Variants in ITPA observed in about 807,000 individuals in gnomAD.
ITPA encodes inosine triphosphatase.
Under a neutral mutation model 29.6 loss-of-function variants are expected in ITPA, and 29 were observed. The ratio of observed to expected loss-of-function variants is 0.98; its 90% CI spans 0.73 to 1.34. ITPA has a LOEUF of 1.34. Among genes scored for constraint, ITPA ranks in the 40% most tolerant of loss-of-function variants. The pLI, the probability that ITPA is intolerant of heterozygous loss-of-function variation, is 0.00. For synonymous variants in ITPA, 103 were observed against 99.3 expected, an observed-to-expected ratio of 1.04 and a Z score of -0.22; for missense variants, 241 against 251.5, an observed-to-expected ratio of 0.96 and a Z score of 0.28.
chr20:3,208,944 C>T (rs1053193327), upstream of ITPA: 2 of 157,188 alleles, frequency 1.3e-5, no homozygotes, highest in Non-Finnish European at 2.8e-5. Context: ...ACGGTGGCCA[C>T]GGAGAAGGGG....
upstream of ITPA, chr20:3,204,701 A>C: frequency 7.0e-7 from 1 of 1,433,674 alleles, no homozygotes; most frequent in Non-Finnish European, 9.4e-7. Context: ...CCTATTTCCC[A>C]ATCTAGACTC....
chr20:3,209,468 T>A (rs1295844201), upstream of ITPA: 1 of 1,306,094 alleles, frequency 7.7e-7, no homozygotes, highest in African/African-American at 1.5e-5. This position sits in a 1 kb window ranked among gnomAD's most constrained non-coding sequence, Gnocchi z 4.6. Context: ...AACTGAGCCG[T>A]TCACTTCCGC....
At chr20:3,222,663 C>T (rs1055891043) in intron 7 of ITPA, among the ~76,000 whole-genome samples, 3 of 152,144 alleles carry the variant, frequency 2.0e-5, no homozygotes, top group South Asian at 2.1e-4. Context: ...ACACAAGGCA[C>T]GGGCCATTGT....
At chr20:3,218,466 G>A in intron 5 of ITPA, 51 bp from the exon 6 acceptor site, 1 of 1,269,664 alleles carries the variant, frequency 7.9e-7, no homozygotes, top group Non-Finnish European at 1.2e-6. Context: ...TGGGAGTGGG[G>A]GTGGGAGTTG....
chr20:3,207,614 A>G (rs2067083480), upstream of ITPA, among the ~76,000 whole-genome samples: 1 of 151,930 alleles, frequency 6.6e-6, no homozygotes, highest in Non-Finnish European at 1.5e-5. Context: ...GAATCCCTTG[A>G]ACCCGGGAGT....
At chr20:3,213,717 C>T (rs1490212189) in intron 3 of ITPA, among the ~76,000 whole-genome samples, 1 of 152,208 alleles carries the variant, frequency 6.6e-6, no homozygotes, top group African/African-American at 2.4e-5. Flanking sequence ...AGAAAGCACG[C>T]TGCGGAGAGT....
chr20:3,222,133 T>TTA (rs2067480713), intron 7 of ITPA, among the ~76,000 whole-genome samples: 1 of 151,796 alleles, frequency 6.6e-6, no homozygotes, highest in African/African-American at 2.4e-5. Context: ...CTGAGAGTCC[T>TTA]GGGCTCTAAG....
In ITPA at chr20:3,213,228, T is replaced by C. The variant is rs1408254396; in HGVS notation, c.124+2T>C. The C allele has an allele frequency of 1.2e-6, 2 of 1,614,138 alleles. No individual in the cohort carries two copies. Among genetic ancestry groups the C allele is most frequent in the Admixed American group, 1.7e-5 (1 of 60,018 alleles). On this transcript the variant is annotated splice_donor_variant, in intron 2 of 7. Coordinates refer to ENST00000380113, the MANE Select transcript of ITPA (RefSeq NM_033453.4). LOFTEE classifies it high-confidence loss of function. ...CTTTGGTGGCACAGAAAATTGACCG[T>C]ATGTCTCTGTTTTGTTTTATTTTTA... is the stretch of plus-strand genomic sequence containing the variant.
chr20:3,205,506 AG>A (rs1409541879), upstream of ITPA, among the ~76,000 whole-genome samples: 5 of 152,110 alleles, frequency 3.3e-5, no homozygotes, highest in Non-Finnish European at 7.4e-5. Flanking sequence ...GTTCAAGACC[AG>A]CCTGGGCAAC....
chr20:3,223,619 G>C lies in ITPA; in HGVS notation c.*157G>C, dbSNP rs977428638. The C allele has an allele frequency of 3.0e-5, 20 of 661,406 alleles. No individual in the cohort carries two copies. In the African/African-American group the frequency reaches 3.6e-4, roughly 12 times the overall value. 41.0% of individuals were successfully genotyped at this position (661,406 alleles called of 1,614,324 possible). On this transcript the variant is annotated 3_prime_UTR_variant, in exon 8 of 8. Transcript: ENST00000380113. Reference sequence around the variant, plus strand: ...CACCGGCCTGTCTGGAGGAGCAGCTGGCTCTGCTCTGAGAAACTCTGGCAA... The same window carrying C: ...CACCGGCCTGTCTGGAGGAGCAGCTCGCTCTGCTCTGAGAAACTCTGGCAA...
At chr20:3,206,121 G>A (rs557381242), upstream of ITPA, among the ~76,000 whole-genome samples, 1 of 151,892 alleles carries the variant, frequency 6.6e-6, no homozygotes, top group African/African-American at 2.4e-5. Context: ...GGGCGAGGTG[G>A]CTCACACCTG....
chr20:3,208,762 T>C (rs1159117437), upstream of ITPA: 2 of 152,672 alleles, frequency 1.3e-5, no homozygotes, highest in Non-Finnish European at 2.9e-5. Context: ...GAAGTGGCCA[T>C]TCAAGAGGTA....
chr20:3,225,690 A>G (rs1302663026), downstream of ITPA, among the ~76,000 whole-genome samples: 1 of 152,154 alleles, frequency 6.6e-6, no homozygotes, highest in East Asian at 1.9e-4. Context: ...GCTCTTATTC[A>G]TCACTGGGAA....
rs767081989 is a variant in ITPA at position 3,218,471 on chromosome 20, G to A, written c.296-46G>A. The A allele has an allele frequency of 1.9e-5, 25 of 1,318,632 alleles. 1 individual carries two copies. The South Asian group carries it at 2.9e-4, about 15-fold the overall frequency. The allele number at this position is 1,318,632 out of a possible 1,614,324, so 81.7% of individuals were successfully genotyped here. A position where few individuals can be genotyped will look rare whatever the true frequency, so the allele number is the denominator to read the frequency against. ...GTGGGCGTCTTGGGAGTGGGGGTGG[G>A]AGTTGGCCATTAGGGATGCACTGAG... On this transcript the variant is annotated intron_variant, in intron 5 of 7. Transcript: ENST00000380113.
intron 1 of ITPA, among the ~76,000 whole-genome samples, chr20:3,211,898 A>C (rs915726277): frequency 1.3e-5 from 2 of 152,212 alleles, no homozygotes; most frequent in Non-Finnish European, 2.9e-5. Flanking sequence ...ACATGGTATT[A>C]TAGGCTGGGC....
At chr20:3,217,138 T>C (rs576568337) in intron 5 of ITPA, among the ~76,000 whole-genome samples, 7 of 152,126 alleles carry the variant, frequency 4.6e-5, no homozygotes, top group Non-Finnish European at 1.0e-4. Context: ...ACCTCGGCCT[T>C]CCAAAATGCT....
At chr20:3,221,388 T>C (rs528165699) in intron 6 of ITPA, among the ~76,000 whole-genome samples, 2 of 152,300 alleles carry the variant, frequency 1.3e-5, no homozygotes, top group Admixed American at 1.3e-4. Flanking sequence ...CGGTGTTTCA[T>C]CTTATTGTTA....
chr20:3,223,279 C>G (rs1568521178), intron 7 of ITPA, 87 bp from the exon 8 acceptor site: 3 of 977,446 alleles, frequency 3.1e-6, no homozygotes, highest in East Asian at 5.1e-5. Flanking sequence ...GAGCTTTGGT[C>G]TCCAGGGATG....
upstream of ITPA, chr20:3,204,416 A>ACGCGCATGCGTCCCGCC: frequency 1.0e-6 from 1 of 987,098 alleles, no homozygotes; most frequent in Non-Finnish European, 1.5e-6. Context: ...TAGCGCACGG[A>ACGCGCATGCGTCCCGCC]CGCGCATGCG....
Sources: gnomAD v4.1 joint callset for allele counts (sites outside exome capture counted in the v4.1 genomes callset) on GRCh38, gnomAD v4.1.1 for gene constraint, Gnocchi (gnomAD v3.1) non-coding constraint, MANE v1.5 for transcripts, NCBI Gene and HGNC (gene_info 2026-07-23, HGNC 2026-07-21) for gene names.